NFXL1: variants seen among roughly 807,000 people sequenced by gnomAD.
NFXL1 encodes the protein nuclear transcription factor, X-box binding like 1, also known as NF-X1-type zinc finger protein NFXL1.
Under a neutral mutation model 123.3 loss-of-function variants are expected in NFXL1, and 66 were observed. The observed-to-expected ratio is 0.54, with a 90% CI of 0.44 to 0.66. The LOEUF (loss-of-function observed/expected upper bound fraction) is 0.66, where lower values mean the gene tolerates loss of function less well. NFXL1 is among the 30% of genes least tolerant of loss of function. The pLI, the probability that NFXL1 is intolerant of heterozygous loss-of-function variation, is 0.00. For synonymous variants in NFXL1, 346 were observed against 360.8 expected, an observed-to-expected ratio of 0.96 and a Z score of 0.46; for missense variants, 944 against 1,125.6, an observed-to-expected ratio of 0.84 and a Z score of 2.31.
chr4:47,914,187 C>T lies in NFXL1; in HGVS notation c.17G>A (p.Arg6His). The T allele has an allele frequency of 6.7e-7, 1 of 1,498,940 alleles. No homozygotes were observed. Among genetic ancestry groups the T allele is most frequent in the Non-Finnish European group, 8.9e-7 (1 of 1,119,870 alleles). 92.9% of individuals were successfully genotyped at this position (1,498,940 alleles called of 1,614,324 possible). The change falls in exon 2 of 23, where the codon CGC becomes CAC. Residue 6 changes from arginine (R) to histidine (H), a missense_variant. By Grantham distance (29) the Arg-to-His change is conservative (BLOSUM62 0). This residue lies in a region of NFXL1 where 303 missense variants were observed against 292.1 expected (regional missense o/e 1.04). Coordinates refer to ENST00000507489, the MANE Select transcript of NFXL1 (RefSeq NM_001278624.2). MEASW[R>H]QVAGGRGRSR... is the part of the protein sequence containing the mutation. ...TCGGCCTCGGCCACCGGCCACCTGG[C>T]GCCAGGAAGCTTCCATCCCTGCAAA...
In NFXL1 at chr4:47,906,922, A is replaced by T. The variant is rs192597684; in HGVS notation, c.407-1576T>A. On this transcript the variant is annotated intron_variant, in intron 3 of 22. Coordinates refer to ENST00000507489, the MANE Select transcript of NFXL1 (RefSeq NM_001278624.2). ...AAGAAAAATGAGTATGTGGAGGCCAAGACTGAAAGCTGGAAGTACCAGTTA... is the reference window on the plus strand; with the variant it reads ...AAGAAAAATGAGTATGTGGAGGCCATGACTGAAAGCTGGAAGTACCAGTTA... 1.6e-4 allele frequency among the ~76,000 whole-genome samples: 24 copies of T among 152,354 alleles called. 1 individual carries two copies. The East Asian group carries it at 4.4e-3, about 28-fold the overall frequency.
intron 19 of NFXL1, among the ~76,000 whole-genome samples, chr4:47,861,063 G>A (rs1159135724): frequency 6.8e-6 from 1 of 148,072 alleles, no homozygotes; most frequent in Non-Finnish European, 1.5e-5. Context: ...GTTTCACCAT[G>A]TTAGCCAGGC....
At chr4:47,855,743 A>G (rs1231440263) in intron 19 of NFXL1, among the ~76,000 whole-genome samples, 1 of 152,134 alleles carries the variant, frequency 6.6e-6, no homozygotes, top group African/African-American at 2.4e-5. Flanking sequence ...TTTATTCTAC[A>G]ACATTTACCC....
At chr4:47,862,183 T>C (rs1405310491) in intron 19 of NFXL1, among the ~76,000 whole-genome samples, 2 of 152,228 alleles carry the variant, frequency 1.3e-5, no homozygotes, top group Non-Finnish European at 2.9e-5. Flanking sequence ...TTTCTTTACC[T>C]TTTTACTTTG....
chr4:47,858,865 T>C (rs1195771415), intron 19 of NFXL1, among the ~76,000 whole-genome samples: 1 of 152,210 alleles, frequency 6.6e-6, no homozygotes, highest in Non-Finnish European at 1.5e-5. Flanking sequence ...TACATATTTA[T>C]ATTATGTATT....
At position 47,896,503 on chromosome 4, in the gene NFXL1, T is replaced by G. The variant is rs781115888; in HGVS notation, c.1329+20A>C. 6.2e-7 allele frequency: 1 copy of G among 1,601,164 alleles called. No homozygotes were observed. Among genetic ancestry groups the G allele is most frequent in the Non-Finnish European group, 8.6e-7 (1 of 1,168,686 alleles). The stretch of plus-strand genomic sequence containing the variant: ...ATGATAGGTAGCTCTTAAAAGTAAT[T>G]ATTACAGGAGATGACTAACTTGTCT... On this transcript the variant is annotated intron_variant, in intron 10 of 22. Coordinates refer to ENST00000507489, the MANE Select transcript of NFXL1 (RefSeq NM_001278624.2).
At chr4:47,869,702 A>G (rs1163905103) in intron 18 of NFXL1, among the ~76,000 whole-genome samples, 2 of 152,132 alleles carry the variant, frequency 1.3e-5, no homozygotes, top group Admixed American at 6.5e-5. Flanking sequence ...GAAATTTAGA[A>G]ATTTCTTTTT....
chr4:47,894,179 C>A lies in NFXL1; in HGVS notation c.1452+1G>T. On this transcript the variant is annotated splice_donor_variant, in intron 11 of 22. Coordinates refer to ENST00000507489, the MANE Select transcript of NFXL1 (RefSeq NM_001278624.2). LOFTEE classifies it high-confidence loss of function. ...GAGGTTTCCAAGGTTAATACACAAACCTTTCTTCTACATTGATGCTTCTGA... is the reference window on the plus strand; with the variant it reads ...GAGGTTTCCAAGGTTAATACACAAAACTTTCTTCTACATTGATGCTTCTGA... 10 of 1,595,240 alleles carry A rather than the reference C, an allele frequency of 6.3e-6. No homozygotes were observed. The highest frequency in any genetic ancestry group is 8.5e-6 in the Non-Finnish European group (10 of 1,171,218).
chr4:47,906,361 A>C (rs971856698), intron 3 of NFXL1, among the ~76,000 whole-genome samples: 18 of 152,222 alleles, frequency 1.2e-4, no homozygotes, highest in African/African-American at 4.3e-4. Context: ...TCAAGCCAAA[A>C]TTTAAGTTGC....
chr4:47,849,959 T>A (rs1023503505), intron 22 of NFXL1, among the ~76,000 whole-genome samples: 22 of 152,144 alleles, frequency 1.4e-4, no homozygotes, highest in Middle Eastern at 3.4e-3. Context: ...TTTATTTTTT[T>A]TTTTTTTTAC....
intron 12 of NFXL1, among the ~76,000 whole-genome samples, chr4:47,887,308 G>A (rs552151823): frequency 2.6e-4 from 40 of 152,192 alleles, no homozygotes; most frequent in Middle Eastern, 3.4e-3. Flanking sequence ...AACATGGACC[G>A]GGAGTTAACC....
At chr4:47,911,137 T>A in intron 2 of NFXL1, 143 bp from the exon 3 acceptor site, 4 of 473,500 alleles carry the variant, frequency 8.4e-6, no homozygotes, top group Admixed American at 4.2e-5. Context: ...AGAAAAGTAT[T>A]TTCAAATTCC....
chr4:47,872,495 C>T (rs1052523041), intron 18 of NFXL1, among the ~76,000 whole-genome samples: 3 of 151,706 alleles, frequency 2.0e-5, no homozygotes, highest in Non-Finnish European at 1.5e-5. Flanking sequence ...AAAATTATGC[C>T]TAAGTCAACT....
intron 18 of NFXL1, among the ~76,000 whole-genome samples, chr4:47,865,975 C>T (rs1735044290): frequency 6.6e-6 from 1 of 151,998 alleles, no homozygotes; most frequent in African/African-American, 2.4e-5. Context: ...GTGAGTGCGC[C>T]ACTGCATCCA....
Position 47,903,253 on chromosome 4 carries a change from T to C in NFXL1, c.587A>G (p.Gln196Arg). 1 of 1,600,918 alleles carries C rather than the reference T, an allele frequency of 6.2e-7. No homozygotes were observed. Among genetic ancestry groups the C allele is most frequent in the Non-Finnish European group, 8.5e-7 (1 of 1,172,898 alleles). ...PCIQKWAKDS[Q>R]FLVSSVTDDD... is the part of the protein sequence containing the mutation. ...ATCAGTCACAGAAGATACAAGAAAC[T>C]GGCTGTCTTTAGCCCACTTCTGGAT... is the stretch of plus-strand genomic sequence containing the variant. Residue 196 changes from glutamine (Q) to arginine (R), a missense_variant, in exon 5 of 23, where the codon CAG (glutamine) becomes CGG (arginine). Transcript: ENST00000507489.
In NFXL1 at chr4:47,914,150, C is replaced by T. The variant is rs1283087409; in HGVS notation, c.54G>A (p.Arg18=). The part of the protein sequence containing the change: ...VAGGRGRSRG[R]ATAAPSGNGV... ...CATTTCCTGAGGGGGCGGCAGTGGC[C>T]CGTCCCCGGGATCGGCCTCGGCCAC... is the stretch of plus-strand genomic sequence containing the variant. Residue 18 remains arginine (R), a synonymous_variant, in exon 2 of 23, where the codon CGG becomes CGA. Coordinates refer to ENST00000507489, the MANE Select transcript of NFXL1 (RefSeq NM_001278624.2). 3.9e-6 allele frequency: 6 copies of T among 1,551,192 alleles called. No individual in the cohort carries two copies. The highest frequency in any genetic ancestry group is 4.4e-6 in the Non-Finnish European group (5 of 1,147,020).
chr4:47,884,933 C>A (rs960771775), intron 14 of NFXL1, among the ~76,000 whole-genome samples: 2 of 151,912 alleles, frequency 1.3e-5, no homozygotes, highest in African/African-American at 4.8e-5. Flanking sequence ...TCGAGACCAG[C>A]CTGATCAACA....
chr4:47,861,818 A>G (rs774706233), intron 19 of NFXL1, among the ~76,000 whole-genome samples: 8 of 152,198 alleles, frequency 5.3e-5, no homozygotes, highest in Non-Finnish European at 1.2e-4. Context: ...ATCCATAAAA[A>G]GTGGTCCAAA....
chr4:47,867,099 A>G (rs1284311558), intron 18 of NFXL1, among the ~76,000 whole-genome samples: 1 of 152,146 alleles, frequency 6.6e-6, no homozygotes, highest in East Asian at 1.9e-4. Context: ...AGGTATAACT[A>G]TATGCTGAGT....
Sources: allele counts gnomAD v4.1 joint callset (sites outside exome capture counted in the v4.1 genomes callset), GRCh38; gene constraint gnomAD v4.1.1; regional missense constraint gnomAD v4.1.1; transcripts MANE v1.5; gene names NCBI Gene and HGNC (gene_info 2026-07-23, HGNC 2026-07-21).